ADCY2: variants seen among roughly 807,000 people sequenced by gnomAD.
The protein encoded by ADCY2 is adenylate cyclase type 2.
In ADCY2, 31 loss-of-function variants were observed where a neutral mutation model predicts 125.2. The observed-to-expected ratio is 0.25, with a 90% CI of 0.19 to 0.33. The LOEUF (loss-of-function observed/expected upper bound fraction) is 0.33, where lower values mean the gene tolerates loss of function less well. Ranked by LOEUF, ADCY2 falls within the 10% of genes least tolerant of loss-of-function variation. The probability of loss-of-function intolerance (pLI) is 1.00; values close to 1 mark genes in which losing one functional copy is unlikely to be tolerated. For synonymous variants in ADCY2, 512 were observed against 548.4 expected (o/e 0.93, Z 0.93); for missense variants, 904 against 1,418.2 (o/e 0.64, Z 5.82).
chr5:7,660,395 A>G (rs1739487222), intron 4 of ADCY2, among the ~76,000 whole-genome samples: 1 of 151,896 alleles, frequency 6.6e-6, no homozygotes, highest in Non-Finnish European at 1.5e-5. Flanking sequence ...AGGGTTGTTG[A>G]CTCTGATTTT....
At chr5:7,413,624 G>A (rs1212359519) in intron 1 of ADCY2, among the ~76,000 whole-genome samples, 2 of 151,576 alleles carry the variant, frequency 1.3e-5, no homozygotes, top group Non-Finnish European at 2.9e-5. Flanking sequence ...AGAAGTGTCT[G>A]TGGATATTTC....
At chr5:7,791,552 C>T (rs1241735536) in intron 20 of ADCY2, among the ~76,000 whole-genome samples, 2 of 152,208 alleles carry the variant, frequency 1.3e-5, no homozygotes, top group East Asian at 1.9e-4. Context: ...CAACAAGTCT[C>T]ATGGCCCACT....
intron 4 of ADCY2, among the ~76,000 whole-genome samples, chr5:7,651,708 C>A (rs1739096883): frequency 6.6e-6 from 1 of 152,168 alleles, no homozygotes; most frequent in African/African-American, 2.4e-5. Context: ...CAACACTTTG[C>A]ATCCTTCAAT....
intron 4 of ADCY2, among the ~76,000 whole-genome samples, chr5:7,680,176 T>A (rs530551729): frequency 6.6e-6 from 1 of 152,312 alleles, no homozygotes; most frequent in Non-Finnish European, 1.5e-5. Flanking sequence ...GAAACAGTTG[T>A]CAATGTTTGT....
intron 12 of ADCY2, among the ~76,000 whole-genome samples, chr5:7,722,420 T>G (rs1741789665): frequency 6.6e-6 from 1 of 152,208 alleles, no homozygotes; most frequent in South Asian, 2.1e-4. Flanking sequence ...ATACTGTTTT[T>G]AGTAAGTTAC....
chr5:7,444,466 T>C (rs1379401820), intron 2 of ADCY2, among the ~76,000 whole-genome samples: 1 of 152,122 alleles, frequency 6.6e-6, no homozygotes, highest in African/African-American at 2.4e-5. Flanking sequence ...GGATATTCTA[T>C]AGCTAACACT....
In ADCY2 at chr5:7,548,347, G is replaced by A. The variant is rs567560289; in HGVS notation, c.570+27448G>A. 3.8e-4 allele frequency among the ~76,000 whole-genome samples: 57 copies of A among 151,916 alleles called. 1 individual carries two copies. Among genetic ancestry groups the A allele is most frequent in the African/African-American group, 1.4e-3 (57 of 41,472 alleles). ...TAGTATAGATAATATATAAATTTAT[G>A]TTGTAAATTGTGTGTATATATAGGA... On this transcript the variant is annotated intron_variant, in intron 3 of 24. Coordinates refer to ENST00000338316, the MANE Select transcript of ADCY2 (RefSeq NM_020546.3).
At chr5:7,580,149 G>A (rs1293272524) in intron 3 of ADCY2, among the ~76,000 whole-genome samples, 1 of 152,112 alleles carries the variant, frequency 6.6e-6, no homozygotes. Context: ...TGGGTACTAT[G>A]CTCAGTACCT....
Position 7,763,959 on chromosome 5 carries a change from G to A in ADCY2, c.2095-2728G>A, listed in dbSNP as rs147829301. On this transcript the variant is annotated intron_variant, in intron 16 of 24. Transcript: ENST00000338316. ...GGGCTGGTTCATCCCGAGGCTCCAC[G>A]TCAATTTCCAGTCACTGATATTTAT... Among the ~76,000 whole-genome samples the A allele has an allele frequency of 1.1e-3, 164 of 152,254 alleles. 2 individuals carry two copies. In the South Asian group the frequency reaches 0.018, roughly 17 times the overall value.
At chr5:7,606,076 GT>G (rs1737364845) in intron 3 of ADCY2, among the ~76,000 whole-genome samples, 1 of 150,720 alleles carries the variant, frequency 6.6e-6, no homozygotes, top group Admixed American at 6.6e-5. Flanking sequence ...TAATCATGTG[GT>G]TTTTGTCTTT....
At chr5:7,428,427 A>G (rs919641363) in intron 2 of ADCY2, among the ~76,000 whole-genome samples, 1 of 152,196 alleles carries the variant, frequency 6.6e-6, no homozygotes, top group South Asian at 2.1e-4. Flanking sequence ...TCACTCCATG[A>G]TATATGATTT....
chr5:7,757,413 A>G (rs770457503), intron 15 of ADCY2, 36 bp from the exon 16 acceptor site: 1 of 1,605,122 alleles, frequency 6.2e-7, no homozygotes, highest in South Asian at 1.1e-5. Flanking sequence ...GTCATCAGCT[A>G]GCAATGCTTC....
At chr5:7,653,473 T>C (rs1364267752) in intron 4 of ADCY2, among the ~76,000 whole-genome samples, 2 of 152,134 alleles carry the variant, frequency 1.3e-5, no homozygotes, top group Non-Finnish European at 2.9e-5. Context: ...CCAGGCGTGG[T>C]GGCGGGCGCC....
intron 19 of ADCY2, 68 bp downstream of exon 19, chr5:7,784,517 G>A (rs958370078): frequency 8.8e-7 from 1 of 1,132,488 alleles, no homozygotes; most frequent in South Asian, 1.4e-5. Context: ...GTGCTTTGCT[G>A]TGCATTGTAG....
At chr5:7,568,658 A>T (rs1012727153) in intron 3 of ADCY2, among the ~76,000 whole-genome samples, 2 of 152,142 alleles carry the variant, frequency 1.3e-5, no homozygotes, top group African/African-American at 4.8e-5. Context: ...CAGAACTGGA[A>T]TTTTCCCCTT....
chr5:7,629,983 T>C (rs1738261782), intron 4 of ADCY2, among the ~76,000 whole-genome samples: 1 of 152,236 alleles, frequency 6.6e-6, no homozygotes, highest in Admixed American at 6.5e-5. Context: ...GTCTTTGTTT[T>C]AGAATAATTT....
At chr5:7,571,343 A>G (rs10866584) in intron 3 of ADCY2, among the ~76,000 whole-genome samples, 92,369 of 151,934 alleles carry the variant, frequency 0.61, 29,131 homozygotes, top group Non-Finnish European at 0.7. Flanking sequence ...CTGAGAAGGA[A>G]GAGTTCTGAT....
At chr5:7,573,170 T>G (rs1736116807) in intron 3 of ADCY2, among the ~76,000 whole-genome samples, 1 of 152,152 alleles carries the variant, frequency 6.6e-6, no homozygotes, top group Non-Finnish European at 1.5e-5. Context: ...AGAAAATAAA[T>G]TTTTGTGATT....
At chr5:7,757,724 G>A (rs1050359039) in intron 16 of ADCY2, 138 bp downstream of exon 16, 36 of 1,279,620 alleles carry the variant, frequency 2.8e-5, no homozygotes, top group Middle Eastern at 2.9e-4. Flanking sequence ...GCTCAGCCCC[G>A]GGGTGAGTCA....
Sources: gnomAD v4.1 joint callset for allele counts (sites outside exome capture counted in the v4.1 genomes callset) on GRCh38, gnomAD v4.1.1 for gene constraint, MANE v1.5 for transcripts, NCBI Gene and HGNC (gene_info 2026-07-23, HGNC 2026-07-21) for gene names.